FRMD4A: variants seen among roughly 807,000 people sequenced by gnomAD.
FRMD4A encodes the protein FERM domain containing 4A, also known as FERM domain-containing protein 4A.
FRMD4A carries 29 observed loss-of-function variants against 129.1 expected under a neutral mutation model. The observed-to-expected ratio is 0.22, with a 90% CI of 0.17 to 0.31. FRMD4A has a LOEUF of 0.31. FRMD4A is among the 10% of genes least tolerant of loss of function. The pLI, the probability that FRMD4A is intolerant of heterozygous loss-of-function variation, is 1.00. For missense variants in FRMD4A, 1,272 were observed against 1,375.8 expected, an observed-to-expected ratio of 0.92 and a Z score of 1.19; for synonymous variants, 634 against 571.6, an observed-to-expected ratio of 1.11 and a Z score of -1.56.
At chr10:13,894,132 G>A (rs2094731512) in intron 2 of FRMD4A, among the ~76,000 whole-genome samples, 1 of 152,102 alleles carries the variant, frequency 6.6e-6, no homozygotes, top group Non-Finnish European at 1.5e-5. Context: ...TCCCAACAGT[G>A]CCTGAAGCTG....
chr10:13,668,959 G>A (rs183377003), intron 17 of FRMD4A, among the ~76,000 whole-genome samples: 2 of 151,076 alleles, frequency 1.3e-5, no homozygotes, highest in Admixed American at 1.3e-4. Context: ...TGAGTGACGT[G>A]TTTTACATAC....
intron 2 of FRMD4A, among the ~76,000 whole-genome samples, chr10:14,316,524 A>AAAAAAAAAAAAAAAAAAG (rs556192567): frequency 7.5e-6 from 1 of 132,616 alleles, no homozygotes; most frequent in Non-Finnish European, 1.6e-5. Flanking sequence ...AAAAAAAAAA[A>AAAAAAAAAAAAAAAAAAG]AAGAAGAAGA....
chr10:14,130,622 T>C (rs1464341926), intron 2 of FRMD4A, among the ~76,000 whole-genome samples: 1 of 152,100 alleles, frequency 6.6e-6, no homozygotes, highest in Non-Finnish European at 1.5e-5. Context: ...CAGTCCCCGG[T>C]GATATTGGTA....
chr10:14,103,990 G>A (rs1837446534), intron 2 of FRMD4A, among the ~76,000 whole-genome samples: 1 of 152,212 alleles, frequency 6.6e-6, no homozygotes, highest in African/African-American at 2.4e-5. Context: ...ACAAGGTATG[G>A]TAAGGTACCA....
intron 5 of FRMD4A, among the ~76,000 whole-genome samples, chr10:13,792,406 C>T (rs2093022487): frequency 6.6e-6 from 1 of 152,100 alleles, no homozygotes. Flanking sequence ...GGAAATGCCA[C>T]ATTGGAGGAG....
At chr10:13,721,493 A>G (rs1248917476) in intron 12 of FRMD4A, among the ~76,000 whole-genome samples, 1 of 152,138 alleles carries the variant, frequency 6.6e-6, no homozygotes. Flanking sequence ...AAAAAAAAGA[A>G]CTCGATAAGA....
intron 2 of FRMD4A, among the ~76,000 whole-genome samples, chr10:14,044,021 GT>G (rs971047039): frequency 6.6e-6 from 1 of 152,152 alleles, no homozygotes; most frequent in Non-Finnish European, 1.5e-5. Context: ...TAGAGATGGG[GT>G]CCCACTGTGT....
chr10:13,791,231 A>G (rs2092992813), intron 5 of FRMD4A, among the ~76,000 whole-genome samples: 2 of 152,176 alleles, frequency 1.3e-5, no homozygotes, highest in Non-Finnish European at 2.9e-5. Context: ...TGGGACCTGA[A>G]GCAAGAGGTA....
At chr10:14,009,796 G>A (rs1352038117) in intron 2 of FRMD4A, among the ~76,000 whole-genome samples, 1 of 91,006 alleles carries the variant, frequency 1.1e-5, no homozygotes, top group Non-Finnish European at 3.1e-5. Flanking sequence ...AGGAGAGTCA[G>A]TGAGAGGGTG....
At chr10:14,112,913 T>A (rs991879792) in intron 2 of FRMD4A, among the ~76,000 whole-genome samples, 19 of 152,182 alleles carry the variant, frequency 1.2e-4, no homozygotes, top group South Asian at 4.1e-4. Flanking sequence ...TTATTACAAT[T>A]ACAGTGACAG....
chr10:13,813,041 C>A (rs2093475759), intron 3 of FRMD4A, among the ~76,000 whole-genome samples: 1 of 152,246 alleles, frequency 6.6e-6, no homozygotes, highest in Admixed American at 6.5e-5. Flanking sequence ...CTGTGTTTGC[C>A]ATGGGCTGTG....
chr10:13,839,797 G>GACAGCACAGATATTC (rs1398309585), intron 3 of FRMD4A, among the ~76,000 whole-genome samples: 1 of 152,226 alleles, frequency 6.6e-6, no homozygotes, highest in Non-Finnish European at 1.5e-5. Flanking sequence ...TAACACCAGA[G>GACAGCACAGATATTC]TGATGACTCA....
At chr10:13,933,720 G>C (rs1216006642) in intron 2 of FRMD4A, among the ~76,000 whole-genome samples, 1 of 152,084 alleles carries the variant, frequency 6.6e-6, no homozygotes, top group African/African-American at 2.4e-5. Context: ...TGATATTTTG[G>C]GTAGTGGTGG....
At chr10:13,793,032 T>C (rs1433126236) in intron 5 of FRMD4A, among the ~76,000 whole-genome samples, 1 of 152,250 alleles carries the variant, frequency 6.6e-6, no homozygotes, top group Non-Finnish European at 1.5e-5. Context: ...TTTGCATATG[T>C]ATTATATCAG....
intron 2 of FRMD4A, among the ~76,000 whole-genome samples, chr10:14,156,883 A>G (rs990184455): frequency 2.0e-5 from 3 of 152,052 alleles, no homozygotes; most frequent in African/African-American, 7.2e-5. Flanking sequence ...GTCTATCAAG[A>G]CTCTTCATGA....
chr10:13,980,772 G>A (rs541469112), intron 2 of FRMD4A, among the ~76,000 whole-genome samples: 101 of 152,178 alleles, frequency 6.6e-4, no homozygotes, highest in African/African-American at 2.3e-3. Context: ...AAAATTGTTC[G>A]TTATTTTAAC....
intron 3 of FRMD4A, among the ~76,000 whole-genome samples, chr10:13,848,627 T>C (rs1022181308): frequency 3.5e-4 from 46 of 131,312 alleles, no homozygotes; most frequent in Non-Finnish European, 6.9e-5. Flanking sequence ...TGTGTGTGTG[T>C]GTGTGTGTGT....
intron 12 of FRMD4A, among the ~76,000 whole-genome samples, chr10:13,711,058 G>T (rs2087964699): frequency 6.6e-6 from 1 of 152,140 alleles, no homozygotes; most frequent in Non-Finnish European, 1.5e-5. Context: ...AGAAGAGAAG[G>T]TGTGCATGTC....
intron 2 of FRMD4A, among the ~76,000 whole-genome samples, chr10:14,172,319 T>A (rs912912754): frequency 6.6e-6 from 1 of 152,150 alleles, no homozygotes; most frequent in South Asian, 2.1e-4. Context: ...ACAGTTTCCA[T>A]GTTTATTAGA....
Sources: allele counts gnomAD v4.1 joint callset (sites outside exome capture counted in the v4.1 genomes callset), GRCh38; gene constraint gnomAD v4.1.1; transcripts MANE v1.5; gene names NCBI Gene and HGNC (gene_info 2026-07-23, HGNC 2026-07-21).